Variants in CSGALNACT1 observed in about 807,000 individuals in gnomAD.
The protein encoded by CSGALNACT1 is chondroitin sulfate N-acetylgalactosaminyltransferase 1.
In CSGALNACT1, 52 loss-of-function variants were observed where a neutral mutation model predicts 51.0. The observed-to-expected ratio is 1.02, with a 90% CI of 0.82 to 1.29. The LOEUF is 1.29. Ranked by LOEUF, CSGALNACT1 falls within the 50% of genes most tolerant of loss-of-function variation. CSGALNACT1 has a pLI of 0.00. For missense variants in CSGALNACT1, 935 were observed against 679.2 expected (o/e 1.38, Z -4.19); for synonymous variants, 341 against 254.4 (o/e 1.34, Z -3.24).
intron 3 of CSGALNACT1, among the ~76,000 whole-genome samples, chr8:19,548,077 A>G (rs62493893): frequency 0.15 from 22,769 of 152,234 alleles, 1,767 homozygotes; most frequent in Middle Eastern, 0.2. Flanking sequence ...CTGGAAGTAG[A>G]CTATTATTGG....
chr8:19,641,898 C>A (rs1210388323), intron 1 of CSGALNACT1: 8 of 152,184 alleles, frequency 5.3e-5, no homozygotes, highest in African/African-American at 1.7e-4. Context: ...GCTTTGTGGG[C>A]TCCATGAGGT....
At chr8:19,545,741 G>A (rs1048481118) in intron 3 of CSGALNACT1, among the ~76,000 whole-genome samples, 7 of 151,082 alleles carry the variant, frequency 4.6e-5, no homozygotes, top group Admixed American at 1.3e-4. Context: ...GTTAGATGAC[G>A]TTAATGAGAC....
Position 19,569,429 on chromosome 8 carries a change from C to T in CSGALNACT1, c.-297+21731G>A, listed in dbSNP as rs1188501235. Among the ~76,000 whole-genome samples, 6 of 151,830 alleles carry T rather than the reference C, an allele frequency of 4.0e-5. No homozygotes were observed. The East Asian group carries it at 1.2e-3, about 29-fold the overall frequency. On this transcript the variant is annotated intron_variant, in intron 3 of 9. Coordinates refer to ENST00000454498, the Ensembl canonical transcript of CSGALNACT1. Reference sequence around the variant, plus strand: ...TTGTCCTTTTATAGACCTTGTGATACAATAAAGCTTTTTGAACCCAGTACT... The same window carrying T: ...TTGTCCTTTTATAGACCTTGTGATATAATAAAGCTTTTTGAACCCAGTACT...
intron 3 of CSGALNACT1, among the ~76,000 whole-genome samples, chr8:19,534,742 T>G (rs773260222): frequency 1.3e-5 from 2 of 152,148 alleles, no homozygotes; most frequent in Non-Finnish European, 2.9e-5. Flanking sequence ...GCTCAGTGAA[T>G]GACAGTTTAA....
At chr8:19,548,354 A>T (rs1183798787) in intron 3 of CSGALNACT1, among the ~76,000 whole-genome samples, 1 of 152,236 alleles carries the variant, frequency 6.6e-6, no homozygotes, top group Non-Finnish European at 1.5e-5. Context: ...CCAATATCAA[A>T]TATCAAACCA....
chr8:19,522,450 C>T (rs562682005), intron 3 of CSGALNACT1, among the ~76,000 whole-genome samples: 1 of 152,330 alleles, frequency 6.6e-6, no homozygotes, highest in South Asian at 2.1e-4. Flanking sequence ...GAAAAACTCT[C>T]TCTAAAATGC....
At chr8:19,481,269 T>A (rs74518715) in intron 4 of CSGALNACT1, among the ~76,000 whole-genome samples, 18,953 of 152,134 alleles carry the variant, frequency 0.12, 1,244 homozygotes, top group Middle Eastern at 0.21. Context: ...TGTCTGTCCT[T>A]ATAGTCTGCC....
intron 1 of CSGALNACT1, among the ~76,000 whole-genome samples, chr8:19,692,239 C>A (rs2061369065): frequency 2.0e-5 from 3 of 152,110 alleles, no homozygotes. Context: ...GGGGACACAG[C>A]CAAACCATAT....
At chr8:19,647,330 T>C (rs185858762) in intron 1 of CSGALNACT1, among the ~76,000 whole-genome samples, 26 of 152,270 alleles carry the variant, frequency 1.7e-4, no homozygotes, top group African/African-American at 3.6e-4. Context: ...AGCAAGAAGA[T>C]CACTTGAGGT....
intron 6 of CSGALNACT1, among the ~76,000 whole-genome samples, chr8:19,434,784 G>C (rs1289641302): frequency 6.6e-6 from 1 of 151,464 alleles, no homozygotes; most frequent in Admixed American, 6.6e-5. Context: ...GGGATCTACT[G>C]TGCAGCTTAT....
At chr8:19,563,112 A>G (rs1266362954) in intron 3 of CSGALNACT1, among the ~76,000 whole-genome samples, 1 of 152,202 alleles carries the variant, frequency 6.6e-6, no homozygotes, top group Non-Finnish European at 1.5e-5. Flanking sequence ...AAGAAAGGAG[A>G]TCATGTCCTT....
At chr8:19,676,175 A>C (rs538589290) in intron 1 of CSGALNACT1, among the ~76,000 whole-genome samples, 1 of 151,934 alleles carries the variant, frequency 6.6e-6, no homozygotes, top group South Asian at 2.1e-4. Flanking sequence ...GGACAATGCA[A>C]AATTACTCAA....
chr8:19,578,357 G>A (rs1225650708), intron 3 of CSGALNACT1, among the ~76,000 whole-genome samples: 1 of 152,192 alleles, frequency 6.6e-6, no homozygotes, highest in Non-Finnish European at 1.5e-5. Flanking sequence ...GGGACTTTGT[G>A]TACATCCTTC....
Position 19,755,974 on chromosome 8 carries a change from C to T in CSGALNACT1, c.-297+1876G>A, listed in dbSNP as rs143607982. 5.0e-3 allele frequency among the ~76,000 whole-genome samples: 760 copies of T among 152,276 alleles called. 3 individuals are homozygous for T. The highest frequency in any genetic ancestry group is 8.0e-3 in the Non-Finnish European group (542 of 68,026). ...ATCTTCCGGCAGCCCAACACCTAGT[C>T]CCCTGTGTATTATGCACTATTACAA... On this transcript the variant is annotated intron_variant, in intron 1 of 1. Transcript: ENST00000517494.
At chr8:19,719,727 G>A (rs529429354) in intron 1 of CSGALNACT1, among the ~76,000 whole-genome samples, 5 of 152,270 alleles carry the variant, frequency 3.3e-5, no homozygotes, top group Admixed American at 6.5e-5. Flanking sequence ...ATTTCTACGT[G>A]GGAGGATGCC....
chr8:19,719,298 A>T (rs1203672035), intron 1 of CSGALNACT1, among the ~76,000 whole-genome samples: 1 of 152,158 alleles, frequency 6.6e-6, no homozygotes, highest in Non-Finnish European at 1.5e-5. Flanking sequence ...AAAAAGCTAG[A>T]ATTCTTTCCC....
exon 6 of CSGALNACT1, chr8:19,439,857 A>C: frequency 3.1e-6 from 5 of 1,613,916 alleles, no homozygotes; most frequent in Non-Finnish European, 4.2e-6. Flanking sequence ...TATTCCTTTG[A>C]CTTCATTTAT....
chr8:19,485,213 C>T (rs187123924), intron 4 of CSGALNACT1, among the ~76,000 whole-genome samples: 1 of 152,144 alleles, frequency 6.6e-6, no homozygotes, highest in Admixed American at 6.5e-5. Flanking sequence ...CCAGCGTCTT[C>T]CCATCTCGGT....
chr8:19,423,039 G>A (rs1265117021), intron 6 of CSGALNACT1, among the ~76,000 whole-genome samples: 2 of 152,154 alleles, frequency 1.3e-5, no homozygotes, highest in East Asian at 1.9e-4. Flanking sequence ...GTATGAGCAA[G>A]TCCTTCCTCA....
Sources: gnomAD v4.1 joint callset for allele counts (sites outside exome capture counted in the v4.1 genomes callset) on GRCh38, gnomAD v4.1.1 for gene constraint, MANE v1.5 for transcripts, NCBI Gene and HGNC (gene_info 2026-07-23, HGNC 2026-07-21) for gene names.